WWC1: variants seen among roughly 807,000 people sequenced by gnomAD.
WWC1 encodes the protein WW and C2 domain containing 1, also known as protein KIBRA.
WWC1 carries 55 observed loss-of-function variants against 138.4 expected under a neutral mutation model. The observed-to-expected ratio is 0.40, with a 90% CI of 0.32 to 0.50. WWC1 has a LOEUF of 0.50. Ranked by LOEUF, WWC1 falls within the 20% of genes least tolerant of loss-of-function variation. The probability of loss-of-function intolerance (pLI) is 0.72; values close to 1 mark genes in which losing one functional copy is unlikely to be tolerated. For missense variants in WWC1, 1,226 were observed against 1,420.4 expected (o/e 0.86, Z 2.20); for synonymous variants, 524 against 564.9 (o/e 0.93, Z 1.03).
chr5:168,295,257 T>C (rs1769427078), intron 1 of WWC1, among the ~76,000 whole-genome samples: 1 of 152,080 alleles, frequency 6.6e-6, no homozygotes, highest in African/African-American at 2.4e-5. Context: ...TCTTAAATAT[T>C]ATTTCAAACC....
rs190820756 is a variant in WWC1, at chr5:168,461,107, T to A, written c.2916+365T>A. Among the ~76,000 whole-genome samples, 5 of 152,196 alleles carry A rather than the reference T, an allele frequency of 3.3e-5. No individual in the cohort carries two copies. The East Asian group carries it at 5.8e-4, about 18-fold the overall frequency. ...ACTCTGGGAGGCCGAGGTAGGAGGA[T>A]CACCTGAGGTCTGGGGTTTGAGACC... On this transcript the variant is annotated intron_variant, in intron 20 of 22. Coordinates refer to ENST00000265293, the MANE Select transcript of WWC1 (RefSeq NM_015238.3).
rs192333237 is a variant in WWC1 at position 168,338,537 on chromosome 5, G to A, written c.120-32887G>A. 9.0e-3 allele frequency among the ~76,000 whole-genome samples: 1,353 copies of A among 151,136 alleles called. 8 individuals carry two copies. Among genetic ancestry groups the A allele is most frequent in the Non-Finnish European group, 0.015 (1,035 of 67,778 alleles). ...AGCGGTTCTCCTGCCTCAGCCTTCC[G>A]AGTAGCTGAGATTACAGGCATGCAC... is the stretch of plus-strand genomic sequence containing the variant. On this transcript the variant is annotated intron_variant, in intron 1 of 22. Transcript: ENST00000265293.
chr5:168,454,633 A>C (rs1756138733), intron 18 of WWC1, among the ~76,000 whole-genome samples: 1 of 152,192 alleles, frequency 6.6e-6, no homozygotes. Flanking sequence ...CTAGAGCTAG[A>C]GCACCTGCCG....
intron 5 of WWC1, among the ~76,000 whole-genome samples, chr5:168,403,332 C>T (rs757672595): frequency 2.0e-5 from 3 of 152,166 alleles, no homozygotes; most frequent in East Asian, 1.9e-4. Context: ...CTCCTGACTT[C>T]GTGATCTGCC....
chr5:168,291,888 G>GT lies in WWC1; in HGVS notation c.-265_-264insT, dbSNP rs1294447518. ...GCCCGGCCGGCTGGGCGCGCACCCG[G>GT]GCTCGCACCGCGCCGCTGCGGACGC... On this transcript the variant is annotated 5_prime_UTR_variant, in exon 1 of 23. Transcript: ENST00000265293. 2 of 159,042 alleles carry GT rather than the reference G, an allele frequency of 1.3e-5. No individual in the cohort carries two copies. The highest frequency in any genetic ancestry group is 1.3e-4 in the Admixed American group (2 of 15,088). The allele number at this position is 159,042 out of a possible 1,614,324, so 9.9% of individuals were successfully genotyped here.
At chr5:168,390,218 A>G (rs2152823472) in intron 3 of WWC1, among the ~76,000 whole-genome samples, 1 of 152,318 alleles carries the variant, frequency 6.6e-6, no homozygotes, top group South Asian at 2.1e-4. Flanking sequence ...TTAGTTAACA[A>G]ATGTAAAGTC....
At chr5:168,294,026 A>G (rs1037092461) in intron 1 of WWC1, among the ~76,000 whole-genome samples, 5 of 152,092 alleles carry the variant, frequency 3.3e-5, no homozygotes, top group Admixed American at 6.6e-5. Context: ...ACCTGCCCCA[A>G]TTTAGGTCCC....
In WWC1 at chr5:168,292,381, C is replaced by G. The variant is rs1581830859; in HGVS notation, c.119+110C>G. 7 of 1,294,664 alleles carry G rather than the reference C, an allele frequency of 5.4e-6. No homozygotes were observed. Among genetic ancestry groups the G allele is most frequent in the Non-Finnish European group, 7.4e-6 (7 of 947,174 alleles). The allele number at this position is 1,294,664 out of a possible 1,614,324, so 80.2% of individuals were successfully genotyped here. ...GGGGGCAGGGGAGCTCTGCGTGCCT[C>G]TTGAGCTCTCTTCAGTTCGCCACCC... On this transcript the variant is annotated intron_variant, in intron 1 of 22. Coordinates refer to ENST00000265293, the MANE Select transcript of WWC1 (RefSeq NM_015238.3). This position sits in a 1 kb window ranked among gnomAD's most constrained non-coding sequence, Gnocchi z 4.4.
chr5:168,401,836 A>G (rs1000428188), intron 5 of WWC1, among the ~76,000 whole-genome samples: 14 of 152,182 alleles, frequency 9.2e-5, no homozygotes, highest in African/African-American at 3.1e-4. Context: ...CAGTAGCACC[A>G]TTGACAGTTT....
chr5:168,323,748 A>T (rs1298994374), intron 1 of WWC1, among the ~76,000 whole-genome samples: 1 of 152,202 alleles, frequency 6.6e-6, no homozygotes, highest in Non-Finnish European at 1.5e-5. Context: ...TCCAAAGTTG[A>T]TGAAAATGAT....
At chr5:168,435,668 C>T (rs1782291690) in intron 15 of WWC1, among the ~76,000 whole-genome samples, 1 of 152,196 alleles carries the variant, frequency 6.6e-6, no homozygotes, top group African/African-American at 2.4e-5. Context: ...GCCTCAGCCT[C>T]TCAAAGGGCT....
At chr5:168,354,433 C>T (rs945050363) in intron 1 of WWC1, among the ~76,000 whole-genome samples, 4 of 152,182 alleles carry the variant, frequency 2.6e-5, no homozygotes, top group African/African-American at 9.7e-5. Flanking sequence ...AATCTTTTCT[C>T]ATTGGCTGTA....
chr5:168,303,230 A>G (rs1173808382), intron 1 of WWC1, among the ~76,000 whole-genome samples: 3 of 152,210 alleles, frequency 2.0e-5, no homozygotes, highest in Non-Finnish European at 4.4e-5. Context: ...ACCATATATC[A>G]TGTTCTTTTG....
At chr5:168,427,973 T>A in intron 11 of WWC1, 60 bp from the exon 12 acceptor site, 2 of 1,446,068 alleles carry the variant, frequency 1.4e-6, no homozygotes, top group Middle Eastern at 1.8e-4. Flanking sequence ...AAAACAAAAT[T>A]GGGAGTCGCA....
rs1757559297 is a variant in WWC1, at chr5:168,469,206, C to T, written c.*189C>T. On this transcript the variant is annotated 3_prime_UTR_variant, in exon 23 of 23. Coordinates refer to ENST00000265293, the MANE Select transcript of WWC1 (RefSeq NM_015238.3). ...TATTAAAAACAGAACAAAAACAAAA[C>T]ACACACACACACAAAAACAGAAACA... 1 of 503,566 alleles carries T rather than the reference C, an allele frequency of 2.0e-6. No homozygotes were observed. Among genetic ancestry groups the T allele is most frequent in the African/African-American group, 1.9e-5 (1 of 51,700 alleles). 31.2% of individuals were successfully genotyped at this position (503,566 alleles called of 1,614,324 possible). A position where few individuals can be genotyped will look rare whatever the true frequency, so the allele number is the denominator to read the frequency against.
intron 1 of WWC1, among the ~76,000 whole-genome samples, chr5:168,312,569 T>A (rs1771209198): frequency 6.6e-6 from 1 of 152,266 alleles, no homozygotes; most frequent in African/African-American, 2.4e-5. Context: ...TTTAAAATGT[T>A]AATGGTTATT....
chr5:168,331,295 T>A (rs1215955114), intron 1 of WWC1, among the ~76,000 whole-genome samples: 73 of 152,212 alleles, frequency 4.8e-4, no homozygotes, highest in Non-Finnish European at 1.5e-4. Context: ...GTTAAAAGTA[T>A]ACACTCCCAT....
intron 1 of WWC1, among the ~76,000 whole-genome samples, chr5:168,371,014 G>A (rs1241648506): frequency 6.6e-6 from 1 of 152,244 alleles, no homozygotes; most frequent in African/African-American, 2.4e-5. Context: ...AAGGATTAGA[G>A]GTGGGGTGGC....
chr5:168,457,975 C>T (rs527320467), intron 19 of WWC1, among the ~76,000 whole-genome samples: 7 of 152,320 alleles, frequency 4.6e-5, no homozygotes, highest in African/African-American at 1.4e-4. Context: ...AGGCCTGGAG[C>T]ATTTGCATCC....
Sources: gnomAD v4.1 joint callset for allele counts (sites outside exome capture counted in the v4.1 genomes callset) on GRCh38, gnomAD v4.1.1 for gene constraint, Gnocchi (gnomAD v3.1) non-coding constraint, MANE v1.5 for transcripts, NCBI Gene and HGNC (gene_info 2026-07-23, HGNC 2026-07-21) for gene names.